Variants in STON2 observed in about 807,000 individuals in gnomAD.
STON2 encodes stonin-2.
Under a neutral mutation model 65.7 loss-of-function variants are expected in STON2, and 29 were observed. That is an observed-to-expected ratio of 0.44 (90% CI 0.33 to 0.60). The LOEUF (loss-of-function observed/expected upper bound fraction) is 0.60, where lower values mean the gene tolerates loss of function less well. Ranked by LOEUF, STON2 falls within the 20% of genes least tolerant of loss-of-function variation. The pLI is 0.03. For synonymous variants in STON2, 404 were observed against 414.2 expected (o/e 0.98, Z 0.30); for missense variants, 1,054 against 1,118.1 (o/e 0.94, Z 0.82).
intron 5 of STON2, among the ~76,000 whole-genome samples, chr14:81,289,882 CTT>C (rs1293052400): frequency 6.6e-6 from 1 of 152,144 alleles, no homozygotes; most frequent in Non-Finnish European, 1.5e-5. Flanking sequence ...AGGGCAAGGG[CTT>C]GATTATCCTC....
Position 81,265,510 on chromosome 14 carries a change from T to C in STON2, c.*2904A>G, listed in dbSNP as rs560645350. 114 of 308,870 alleles carry C rather than the reference T, an allele frequency of 3.7e-4. No individual in the cohort carries two copies. Among genetic ancestry groups the C allele is most frequent in the African/African-American group, 2.0e-3 (87 of 44,250 alleles). 19.1% of individuals were successfully genotyped at this position (308,870 alleles called of 1,614,324 possible). ...TCTCTACTAAAAATACATAAATTAGTGGTGCATGGTGGCAGGCGCCTGTAA... is the reference window on the plus strand; with the variant it reads ...TCTCTACTAAAAATACATAAATTAGCGGTGCATGGTGGCAGGCGCCTGTAA... On this transcript the variant is annotated 3_prime_UTR_variant, in exon 8 of 8. Transcript: ENST00000614646.
chr14:81,412,946 C>T, intron 2 of STON2: 1 of 835,274 alleles, frequency 1.2e-6, no homozygotes, highest in Non-Finnish European at 1.9e-6. Context: ...TGCAGTCAGC[C>T]AGCCCCCTTC....
At chr14:81,300,121 T>C (rs1426435830) in intron 5 of STON2, among the ~76,000 whole-genome samples, 1 of 151,926 alleles carries the variant, frequency 6.6e-6, no homozygotes, top group East Asian at 1.9e-4. Flanking sequence ...TGGAACAAAA[T>C]GAAGAGTGTA....
At chr14:81,295,326 A>AAAAAG (rs975468265) in intron 5 of STON2, among the ~76,000 whole-genome samples, 4 of 152,198 alleles carry the variant, frequency 2.6e-5, no homozygotes, top group Non-Finnish European at 4.4e-5. Context: ...CTCCATCTCA[A>AAAAAG]AAAAGAAAAG....
In STON2 at chr14:81,278,716, C is replaced by T. The variant is rs1312392406; in HGVS notation, c.766G>A (p.Asp256Asn). 1.3e-6 allele frequency: 2 copies of T among 1,517,358 alleles called. No homozygotes were observed. Among genetic ancestry groups the T allele is most frequent in the Admixed American group, 2.3e-5 (1 of 43,858 alleles). 94.0% of individuals were successfully genotyped at this position (1,517,358 alleles called of 1,614,324 possible). ...PNDNSSSLQE[D>N]EEVEMEAISW... The stretch of plus-strand genomic sequence containing the variant: ...ATGGCCTCCATCTCTACTTCTTCAT[C>T]TTCTTGAAGCGAGGAGGAATTGTCT... Residue 256 changes from aspartate to asparagine, a missense_variant, in exon 6 of 8, where the codon GAT becomes AAT. Transcript: ENST00000614646.
At chr14:81,308,461 C>G (rs1449917490) in intron 5 of STON2, among the ~76,000 whole-genome samples, 5 of 152,114 alleles carry the variant, frequency 3.3e-5, no homozygotes, top group Non-Finnish European at 5.9e-5. Context: ...ACCTCAGCTT[C>G]CCAAAGTGCT....
At chr14:81,308,808 A>G (rs1351702646) in intron 5 of STON2, among the ~76,000 whole-genome samples, 2 of 11,606 alleles carry the variant, frequency 1.7e-4, no homozygotes, top group African/African-American at 6.8e-4. Flanking sequence ...ATATATATAT[A>G]TATATATATA....
At chr14:81,423,109 A>G (rs1901793204) in intron 2 of STON2, among the ~76,000 whole-genome samples, 1 of 152,144 alleles carries the variant, frequency 6.6e-6, no homozygotes, top group South Asian at 2.1e-4. Context: ...TCTTCCTGCA[A>G]CATGACCTTC....
At chr14:81,377,943 G>A (rs997410624) in intron 3 of STON2, among the ~76,000 whole-genome samples, 1 of 151,900 alleles carries the variant, frequency 6.6e-6, no homozygotes, top group Non-Finnish European at 1.5e-5. Flanking sequence ...CACTTCCTGG[G>A]TTCAAGCAAT....
chr14:81,339,536 G>C (rs1032686950), intron 4 of STON2, among the ~76,000 whole-genome samples: 1 of 152,140 alleles, frequency 6.6e-6, no homozygotes, highest in Non-Finnish European at 1.5e-5. Flanking sequence ...GTCAATATCA[G>C]GTAGCCAGCA....
chr14:81,367,438 A>G (rs1403475434), intron 4 of STON2, among the ~76,000 whole-genome samples: 2 of 152,168 alleles, frequency 1.3e-5, no homozygotes, highest in Non-Finnish European at 2.9e-5. Context: ...CAGCCTCCCA[A>G]AGTGCTGGGA....
chr14:81,384,441 G>A (rs1436445830), intron 3 of STON2, among the ~76,000 whole-genome samples: 2 of 152,028 alleles, frequency 1.3e-5, no homozygotes, highest in Non-Finnish European at 2.9e-5. Context: ...TCACTATGTT[G>A]GCCAGGCTGG....
At chr14:81,403,226 A>C (rs1391160874), upstream of STON2, among the ~76,000 whole-genome samples, 1 of 152,224 alleles carries the variant, frequency 6.6e-6, no homozygotes, top group African/African-American at 2.4e-5. Flanking sequence ...CATTTTCCCT[A>C]CATTTTTATT....
Position 81,270,664 on chromosome 14 carries a change from G to A in STON2, c.2784+6C>T, listed in dbSNP as rs1167710083. 2 of 1,614,176 alleles carry A rather than the reference G, an allele frequency of 1.2e-6. No individual in the cohort carries two copies. The highest frequency in any genetic ancestry group is 4.5e-5 in the East Asian group (2 of 44,880). On this transcript the variant is annotated splice_donor_region_variant and intron_variant, in intron 7 of 7. Transcript: ENST00000614646. ...GAAGCATTAGCCAGATGCTTCCCAAGGCTACCTGGTAGCTGTAGTGTGCAG... is the reference window on the plus strand; with the variant it reads ...GAAGCATTAGCCAGATGCTTCCCAAAGCTACCTGGTAGCTGTAGTGTGCAG...
chr14:81,300,547 G>C (rs1364864691), intron 5 of STON2, among the ~76,000 whole-genome samples: 3 of 152,080 alleles, frequency 2.0e-5, no homozygotes, highest in South Asian at 2.1e-4. Flanking sequence ...CACCTCAGTA[G>C]GCCACAACGA....
chr14:81,403,477 TG>T (rs2140457169), upstream of STON2, among the ~76,000 whole-genome samples: 1 of 152,332 alleles, frequency 6.6e-6, no homozygotes, highest in South Asian at 2.1e-4. Flanking sequence ...ATCCAGGCTT[TG>T]TCAACGGCTG....
At chr14:81,284,933 G>A (rs1205003863) in intron 5 of STON2, among the ~76,000 whole-genome samples, 1 of 152,184 alleles carries the variant, frequency 6.6e-6, no homozygotes, top group African/African-American at 2.4e-5. Flanking sequence ...GGATGACAAC[G>A]CATCTGTTTA....
intron 5 of STON2, among the ~76,000 whole-genome samples, chr14:81,284,915 C>A (rs1426486029): frequency 2.0e-5 from 3 of 152,196 alleles, no homozygotes; most frequent in Admixed American, 1.3e-4. Flanking sequence ...AATGGAAGAA[C>A]AAAGCCCGGA....
chr14:81,332,644 T>C (rs1389998727), intron 4 of STON2, among the ~76,000 whole-genome samples: 1 of 152,202 alleles, frequency 6.6e-6, no homozygotes, highest in Non-Finnish European at 1.5e-5. Context: ...GCAGACTTTC[T>C]GGGACTGAGG....
Sources: allele counts gnomAD v4.1 joint callset (sites outside exome capture counted in the v4.1 genomes callset), GRCh38; gene constraint gnomAD v4.1.1; transcripts MANE v1.5; gene names NCBI Gene and HGNC (gene_info 2026-07-23, HGNC 2026-07-21).